Variants in EWSR1 observed in about 807,000 individuals in gnomAD.
EWSR1 encodes RNA-binding protein EWS.
In EWSR1, 14 loss-of-function variants were observed where a neutral mutation model predicts 92.1. The ratio of observed to expected loss-of-function variants is 0.15; its 90% CI spans 0.10 to 0.24. The LOEUF (loss-of-function observed/expected upper bound fraction) is 0.24. Among genes scored for constraint, EWSR1 ranks in the 10% least tolerant of loss-of-function variants. EWSR1 has a pLI of 1.00. For synonymous variants in EWSR1, 303 were observed against 292.9 expected, an observed-to-expected ratio of 1.03 and a Z score of -0.35; for missense variants, 637 against 870.9, an observed-to-expected ratio of 0.73 and a Z score of 3.38.
chr22:29,277,763 A>G, intron 4 of EWSR1: 1 of 420,684 alleles, frequency 2.4e-6, no homozygotes, highest in African/African-American at 2.0e-5. Context: ...GGCAGAAGGA[A>G]CCCTGTTTTC....
rs1448045659 is a variant in EWSR1 at position 29,298,808 on chromosome 22, C to T, written c.1493C>T (p.Pro498Leu). The T allele has an allele frequency of 3.7e-6, 6 of 1,608,660 alleles. No homozygotes were observed. Among genetic ancestry groups the T allele is most frequent in the East Asian group, 4.5e-5 (2 of 44,850 alleles). ...GGRGGDRGGF[P>L]PRGPRGSRGN... ...CGTGGAGGAGATAGAGGAGGCTTCC[C>T]TCCAAGAGGACCCCGGGGTTCCCGA... Residue 498 changes from proline to leucine, a missense_variant, in exon 14 of 17, where the codon CCT becomes CTT. Physicochemically the swap from Pro to Leu is moderately conservative, Grantham distance 98 (BLOSUM62 -3). Transcript: ENST00000397938.
chr22:29,293,149 T>C (rs147395653), intron 11 of EWSR1, among the ~76,000 whole-genome samples: 321 of 152,266 alleles, frequency 2.1e-3, no homozygotes, highest in Middle Eastern at 6.8e-3. Context: ...GCTGGACTTA[T>C]AGGCACATGC....
In EWSR1 at chr22:29,268,344, C is replaced by T. The variant is rs2146557455; in HGVS notation, c.8C>T (p.Ser3Phe). 1 of 1,614,172 alleles carries T rather than the reference C, an allele frequency of 6.2e-7. No homozygotes were observed. Among genetic ancestry groups the T allele is most frequent in the Non-Finnish European group, 8.5e-7 (1 of 1,180,014 alleles). ...GAGGAGGAAGGAGAGAAAATGGCGT[C>T]CACGGGTGAGTATGGTGGAACTGCG... MA[S>F]TDYSTYSQAA... is the part of the protein sequence containing the mutation. The change falls in exon 1 of 17, where the codon TCC (serine) becomes TTC (phenylalanine). Residue 3 changes from serine to phenylalanine, a missense_variant. Transcript: ENST00000397938.
chr22:29,291,349 C>G (rs2060428193), intron 8 of EWSR1: 1 of 465,922 alleles, frequency 2.1e-6, no homozygotes, highest in South Asian at 5.5e-5. Flanking sequence ...AAGGAACCAA[C>G]CACACTGGTG....
chr22:29,296,022 T>C (rs2060831938), intron 11 of EWSR1: 1 of 508,978 alleles, frequency 2.0e-6, no homozygotes, highest in South Asian at 2.2e-5. Flanking sequence ...GCCTATCCTG[T>C]TCACTTCCAC....
In EWSR1 at chr22:29,278,031, T is replaced by A. The variant is rs1602266074; in HGVS notation, c.228T>A (p.Gly76=). Residue 76 remains glycine (G), a splice_region_variant and synonymous_variant, in exon 5 of 17, where the codon GGT becomes GGA. Coordinates refer to ENST00000397938, the MANE Select transcript of EWSR1 (RefSeq NM_005243.4). ...YATSYGQPPT[G]YTTPTAPQAY... is the part of the protein sequence containing the mutation. ...TGATGCAGCTCTCCTTTGTTCTAGGTTATACTACTCCAACTGCCCCCCAGG... is the reference window on the plus strand; with the variant it reads ...TGATGCAGCTCTCCTTTGTTCTAGGATATACTACTCCAACTGCCCCCCAGG... 8 of 1,613,530 alleles carry A rather than the reference T, an allele frequency of 5.0e-6. No homozygotes were observed. Among genetic ancestry groups the A allele is most frequent in the Non-Finnish European group, 5.9e-6 (7 of 1,179,570 alleles).
chr22:29,295,952 G>T, intron 11 of EWSR1: 2 of 368,238 alleles, frequency 5.4e-6, no homozygotes, highest in South Asian at 3.5e-5. Flanking sequence ...TACCTGTCTG[G>T]GCATAGAAAA....
At chr22:29,296,036 T>G (rs2147721428) in intron 11 of EWSR1, 2 of 527,594 alleles carry the variant, frequency 3.8e-6, no homozygotes, top group South Asian at 2.2e-5. Flanking sequence ...CTTCCACACT[T>G]TGGTCTACTT....
intron 5 of EWSR1, among the ~76,000 whole-genome samples, chr22:29,282,115 T>C (rs2059656671): frequency 6.6e-6 from 1 of 152,240 alleles, no homozygotes; most frequent in South Asian, 2.1e-4. Flanking sequence ...TTATAGCGTT[T>C]ACTGTGATGA....
chr22:29,284,034 A>G (rs1053085814), intron 6 of EWSR1, among the ~76,000 whole-genome samples: 1 of 151,056 alleles, frequency 6.6e-6, no homozygotes, highest in Non-Finnish European at 1.5e-5. Flanking sequence ...GGGTTTCTCC[A>G]TGTTGGTCAG....
Position 29,299,726 on chromosome 22 carries a change from C to T in EWSR1, c.1806C>T (p.Gly602=), listed in dbSNP as rs575816889. 3.7e-6 allele frequency: 6 copies of T among 1,611,184 alleles called. No individual in the cohort carries two copies. The highest frequency in any genetic ancestry group is 2.7e-5 in the African/African-American group (2 of 74,886). ...RGGDRGGFRG[G]RGMDRGGFGG... ...GAGACAGAGGTGGCTTCCGTGGTGGCCGGGGCATGGACCGAGGTGGCTTTG... is the reference window on the plus strand; with the variant it reads ...GAGACAGAGGTGGCTTCCGTGGTGGTCGGGGCATGGACCGAGGTGGCTTTG... The change falls in exon 16 of 17, where the codon GGC becomes GGT. Residue 602 remains glycine (G), a synonymous_variant. Coordinates refer to ENST00000397938, the MANE Select transcript of EWSR1 (RefSeq NM_005243.4).
rs370785592 is a variant in EWSR1, at chr22:29,290,444, A to G, written c.975-1118A>G. The G allele has an allele frequency of 2.5e-5, 41 of 1,613,676 alleles. 1 individual carries two copies. Among genetic ancestry groups the G allele is most frequent in the Middle Eastern group, 1.7e-4 (1 of 6,060 alleles). On this transcript the variant is annotated intron_variant, in intron 8 of 16. Coordinates refer to ENST00000397938, the MANE Select transcript of EWSR1 (RefSeq NM_005243.4). ...AAGTGAGAGCCTTGTATACACTTCA[A>G]TACTTAAAAAGTACCCGTACTCAGT...
chr22:29,282,332 T>A, intron 5 of EWSR1, 58 bp from the exon 6 acceptor site: 14 of 1,443,050 alleles, frequency 9.7e-6, no homozygotes, highest in Non-Finnish European at 1.2e-5. Flanking sequence ...AGTTTTGTGG[T>A]TGACCAACCA....
At chr22:29,275,579 A>C (rs1437166292) in intron 4 of EWSR1, 4 of 228,064 alleles carry the variant, frequency 1.8e-5, no homozygotes, top group African/African-American at 8.9e-5. Context: ...CCTGATGAGC[A>C]AACTGTGTGA....
chr22:29,299,459 AT>A lies in EWSR1; in HGVS notation c.1678+130del. ...TGAGTTGTCGTGTCCTCATTTCTAA[AT>A]TGTCAGCCCGATGCCGAGATTGAGT... On this transcript the variant is annotated intron_variant, in intron 15 of 16. Transcript: ENST00000397938. The A allele has an allele frequency of 2.0e-6, 3 of 1,490,342 alleles. No homozygotes were observed. The South Asian group carries it at 4.1e-5, about 20-fold the overall frequency. 92.3% of individuals were successfully genotyped at this position (1,490,342 alleles called of 1,614,324 possible).
chr22:29,296,886 T>C (rs1251247073), intron 12 of EWSR1, among the ~76,000 whole-genome samples: 1 of 151,792 alleles, frequency 6.6e-6, no homozygotes, highest in African/African-American at 2.4e-5. Context: ...ACAAAAAAAA[T>C]ACAAAAATTA....
Position 29,288,805 on chromosome 22 carries a change from T to A in EWSR1, c.974+19T>A, listed in dbSNP as rs1198557492. 2.6e-6 allele frequency: 4 copies of A among 1,556,822 alleles called. No individual in the cohort carries two copies. The African/African-American group carries it at 4.1e-5, about 16-fold the overall frequency. The stretch of plus-strand genomic sequence containing the variant: ...GAATGGGGTAAGAGCAAACCTTTTC[T>A]CCTTTTACCTAATTTTGTTTCATCC... On this transcript the variant is annotated intron_variant, in intron 8 of 16. Coordinates refer to ENST00000397938, the MANE Select transcript of EWSR1 (RefSeq NM_005243.4).
intron 1 of EWSR1, chr22:29,269,605 A>G (rs973134447): frequency 2.6e-5 from 4 of 152,242 alleles, no homozygotes; most frequent in Admixed American, 6.5e-5. Context: ...TTTGGAGTCC[A>G]GAATCCAGCA....
In EWSR1 at chr22:29,292,742, C is replaced by G. The variant is rs540204589; in HGVS notation, c.1164+136C>G. 4 of 501,954 alleles carry G rather than the reference C, an allele frequency of 8.0e-6. No homozygotes were observed. In the South Asian group the frequency reaches 1.7e-4, roughly 22 times the overall value. The allele number at this position is 501,954 out of a possible 1,614,324, so 31.1% of individuals were successfully genotyped here. ...CTTTCTAGGTATCTTATGGTTTGTT[C>G]CTTTTTAAAAAAGATTAGCCTTTTT... On this transcript the variant is annotated intron_variant, in intron 11 of 16. Transcript: ENST00000397938.
Sources: allele counts gnomAD v4.1 joint callset (sites outside exome capture counted in the v4.1 genomes callset), GRCh38; gene constraint gnomAD v4.1.1; transcripts MANE v1.5; gene names NCBI Gene and HGNC (gene_info 2026-07-23, HGNC 2026-07-21).